Variants in PPA1 observed in about 807,000 individuals in gnomAD.
The protein encoded by PPA1 is inorganic pyrophosphatase.
Under a neutral mutation model 41.8 loss-of-function variants are expected in PPA1, and 23 were observed. The ratio of observed to expected loss-of-function variants is 0.55; its 90% CI spans 0.40 to 0.78. The LOEUF (loss-of-function observed/expected upper bound fraction) is 0.78. PPA1 is among the 30% of genes least tolerant of loss of function. PPA1 has a pLI of 0.00. For synonymous variants in PPA1, 101 were observed against 116.8 expected, an observed-to-expected ratio of 0.86 and a Z score of 0.87; for missense variants, 320 against 361.6, an observed-to-expected ratio of 0.89 and a Z score of 0.93.
chr10:70,225,459 T>A (rs1472600200), intron 2 of PPA1, among the ~76,000 whole-genome samples: 4 of 151,934 alleles, frequency 2.6e-5, no homozygotes, highest in African/African-American at 7.3e-5. Flanking sequence ...AAGCAATTCG[T>A]CCACCTAGGC....
chr10:70,214,779 GCTAAA>G (rs1288963756), intron 4 of PPA1, among the ~76,000 whole-genome samples, 193 bp from the exon 5 acceptor site: 1 of 152,146 alleles, frequency 6.6e-6, no homozygotes, highest in Admixed American at 6.5e-5. Flanking sequence ...CACATCTAAT[GCTAAA>G]CTAAATTTAA....
intron 1 of PPA1, among the ~76,000 whole-genome samples, chr10:70,232,316 C>T (rs1012207132): frequency 1.3e-5 from 2 of 152,170 alleles, no homozygotes; most frequent in Non-Finnish European, 2.9e-5. Context: ...ACAATAGAAG[C>T]GCCTGTGGTG....
chr10:70,232,911 T>C (rs1840304498), intron 1 of PPA1, among the ~76,000 whole-genome samples: 1 of 151,720 alleles, frequency 6.6e-6, no homozygotes, highest in Non-Finnish European at 1.5e-5. Context: ...TTACGGGAAT[T>C]ATGTTACTTC....
At chr10:70,213,939 G>A (rs923800421) in intron 5 of PPA1, among the ~76,000 whole-genome samples, 2 of 152,114 alleles carry the variant, frequency 1.3e-5, no homozygotes, top group Admixed American at 1.3e-4. Context: ...TAAAAGTCAT[G>A]AGTTAAGCAA....
Position 70,217,891 on chromosome 10 carries a change from A to G in PPA1, c.218T>C (p.Val73Ala). Residue 73 changes from valine (V) to alanine (A), a missense_variant, in exon 4 of 11, where the codon GTG becomes GCG. Transcript: ENST00000373232. Reference sequence around the variant, plus strand: ...AACATAGCGAAGTTTTCCTTTTTTCACATCTTGTTTAATAGGGTTTAAAGG... The same window carrying G: ...AACATAGCGAAGTTTTCCTTTTTTCGCATCTTGTTTAATAGGGTTTAAAGG... Reference protein sequence around the residue: ...KDPLNPIKQDVKKGKLRYVAN... With the variant: ...KDPLNPIKQDAKKGKLRYVAN... 1.2e-6 allele frequency: 2 copies of G among 1,605,094 alleles called. No individual in the cohort carries two copies. The highest frequency in any genetic ancestry group is 1.7e-6 in the Non-Finnish European group (2 of 1,173,946).
At chr10:70,224,840 C>T (rs760670782) in intron 2 of PPA1, among the ~76,000 whole-genome samples, 3 of 152,118 alleles carry the variant, frequency 2.0e-5, no homozygotes, top group Non-Finnish European at 4.4e-5. Context: ...AAGCAATTCT[C>T]CTGCCTCAGC....
chr10:70,225,151 A>G (rs1201440771), intron 2 of PPA1, among the ~76,000 whole-genome samples: 1 of 152,232 alleles, frequency 6.6e-6, no homozygotes, highest in African/African-American at 2.4e-5. Flanking sequence ...AGATAACTTC[A>G]GAAATCTAGT....
chr10:70,221,040 A>ATTATATATATATAAT (rs1840155186), intron 2 of PPA1, among the ~76,000 whole-genome samples: 1 of 66,964 alleles, frequency 1.5e-5, no homozygotes, highest in Non-Finnish European at 2.4e-5. Context: ...ATATATATAA[A>ATTATATATATATAAT]TTATATATAT....
At chr10:70,218,577 T>C in intron 3 of PPA1, 187 bp downstream of exon 3, 1 of 564,702 alleles carries the variant, frequency 1.8e-6, no homozygotes, top group South Asian at 2.3e-5. Flanking sequence ...GGCATATTTG[T>C]AAACAGTTGA....
At chr10:70,227,520 G>A (rs1228888295) in intron 2 of PPA1, among the ~76,000 whole-genome samples, 3 of 152,030 alleles carry the variant, frequency 2.0e-5, no homozygotes, top group Admixed American at 1.3e-4. Context: ...GCGTGGTGGT[G>A]TATGCCTGTG....
chr10:70,206,879 G>T (rs555452646), intron 8 of PPA1, among the ~76,000 whole-genome samples: 3 of 74,032 alleles, frequency 4.1e-5, no homozygotes, highest in Non-Finnish European at 5.3e-5. Flanking sequence ...GGGGAGGGGA[G>T]GGGAGGGGAG....
intron 1 of PPA1, among the ~76,000 whole-genome samples, chr10:70,232,609 T>C (rs1030862583): frequency 6.6e-6 from 1 of 151,148 alleles, no homozygotes; most frequent in African/African-American, 2.5e-5. Context: ...ACGTCATCTG[T>C]TTGATTTGAG....
At chr10:70,213,378 G>A (rs1393579739) in intron 6 of PPA1, 85 bp downstream of exon 6, 14 of 1,501,928 alleles carry the variant, frequency 9.3e-6, no homozygotes, top group East Asian at 2.3e-5. Context: ...TGAAGGTAAG[G>A]GCTTACAATT....
chr10:70,212,366 A>C (rs1179938074), intron 6 of PPA1, among the ~76,000 whole-genome samples: 1 of 152,252 alleles, frequency 6.6e-6, no homozygotes. Flanking sequence ...TAAAAACATA[A>C]GTCCACACAA....
intron 3 of PPA1, chr10:70,218,345 T>C (rs1176329103): frequency 5.6e-6 from 1 of 179,408 alleles, no homozygotes; most frequent in African/African-American, 2.4e-5. Flanking sequence ...TGTTAAGAGT[T>C]TGTGATATAA....
At chr10:70,223,666 T>A (rs1011875907) in intron 2 of PPA1, among the ~76,000 whole-genome samples, 2 of 152,218 alleles carry the variant, frequency 1.3e-5, no homozygotes, top group Non-Finnish European at 2.9e-5. Context: ...GCAACTGATA[T>A]GAGAAATTCA....
intron 6 of PPA1, among the ~76,000 whole-genome samples, chr10:70,212,173 A>G (rs1840027880): frequency 6.6e-6 from 1 of 152,218 alleles, no homozygotes; most frequent in Non-Finnish European, 1.5e-5. Context: ...TGCATAAATT[A>G]TTTGGAATTC....
intron 4 of PPA1, among the ~76,000 whole-genome samples, 165 bp from the exon 5 acceptor site, chr10:70,214,751 A>G (rs1023489451): frequency 1.3e-5 from 2 of 152,258 alleles, no homozygotes; most frequent in Non-Finnish European, 2.9e-5. Context: ...TTTCAATTAA[A>G]TGCTGTAGCT....
At chr10:70,224,172 A>T (rs978389389) in intron 2 of PPA1, among the ~76,000 whole-genome samples, 3 of 68,160 alleles carry the variant, frequency 4.4e-5, no homozygotes, top group African/African-American at 1.8e-4. Context: ...GCACTTTGGG[A>T]GGCTGAGGCA....
Sources: allele counts gnomAD v4.1 joint callset (sites outside exome capture counted in the v4.1 genomes callset), GRCh38; gene constraint gnomAD v4.1.1; transcripts MANE v1.5; gene names NCBI Gene and HGNC (gene_info 2026-07-23, HGNC 2026-07-21).